The following FAM135A variants were observed in gnomAD, a reference collection of about 807,000 sequenced individuals.
The protein encoded by FAM135A is protein FAM135A.
Under a neutral mutation model 146.8 loss-of-function variants are expected in FAM135A, and 79 were observed. That is an observed-to-expected ratio of 0.54 (90% CI 0.45 to 0.65). The LOEUF (loss-of-function observed/expected upper bound fraction) is 0.65, where lower values mean the gene tolerates loss of function less well. Among genes scored for constraint, FAM135A ranks in the 30% least tolerant of loss-of-function variants. The pLI is 0.00. For missense variants in FAM135A, 1,623 were observed against 1,758.2 expected, an observed-to-expected ratio of 0.92 and a Z score of 1.38; for synonymous variants, 562 against 603.6, an observed-to-expected ratio of 0.93 and a Z score of 1.01.
intron 12 of FAM135A, among the ~76,000 whole-genome samples, chr6:70,509,769 G>A (rs1411788130): frequency 1.3e-5 from 2 of 152,096 alleles, no homozygotes; most frequent in Non-Finnish European, 2.9e-5. Context: ...TGCATATCTT[G>A]TACATGGTAG....
intron 11 of FAM135A, among the ~76,000 whole-genome samples, chr6:70,499,536 GT>G (rs139255396): frequency 9.9e-5 from 15 of 152,202 alleles, no homozygotes; most frequent in Non-Finnish European, 1.8e-4. Flanking sequence ...ATACTAGCTG[GT>G]TATTTTGCCC....
intron 4 of FAM135A, among the ~76,000 whole-genome samples, chr6:70,440,221 A>G (rs1350524024): frequency 1.3e-5 from 2 of 152,120 alleles, no homozygotes; most frequent in Admixed American, 6.6e-5. Context: ...TGTTCTTCCT[A>G]TTGCATTGCA....
At chr6:70,492,839 G>C (rs1786326423) in intron 11 of FAM135A, among the ~76,000 whole-genome samples, 2 of 151,958 alleles carry the variant, frequency 1.3e-5, no homozygotes, top group South Asian at 2.1e-4. Flanking sequence ...TTCATTTTTT[G>C]TAAGAGTGTA....
rs1407684006 is a variant in FAM135A at position 70,524,581 on chromosome 6, A to G, written c.1497A>G (p.Lys499=). The change falls in exon 15 of 22, where the codon AAA becomes AAG. Residue 499 remains lysine (K), a synonymous_variant. Transcript: ENST00000418814. ...AAGTTAAGGTTACTAAGCTTATGAA[A>G]ACAATGAAATCTGAAAACACAAAAA... ...KSKVKVTKLM[K]TMKSENTKKL... 2 of 1,542,864 alleles carry G rather than the reference A, an allele frequency of 1.3e-6. No homozygotes were observed. Among genetic ancestry groups the G allele is most frequent in the Non-Finnish European group, 1.7e-6 (2 of 1,144,850 alleles).
rs137975711 is a variant in FAM135A, at chr6:70,461,116, C to T, written c.157+8545C>T. ...GGGATTACAGGTGTAAGCCACCGTG[C>T]CAAGCCTATAGATAGATAAATCTTA... On this transcript the variant is annotated intron_variant, in intron 5 of 21. Transcript: ENST00000418814. 1.9e-3 allele frequency among the ~76,000 whole-genome samples: 290 copies of T among 152,212 alleles called. 2 individuals are homozygous for T. Among genetic ancestry groups the T allele is most frequent in the African/African-American group, 6.6e-3 (273 of 41,500 alleles).
At chr6:70,420,498 GGATGTAA>G (rs1404480468) in intron 2 of FAM135A, among the ~76,000 whole-genome samples, 1 of 152,184 alleles carries the variant, frequency 6.6e-6, no homozygotes, top group African/African-American at 2.4e-5. Context: ...TGTGGATATT[GGATGTAA>G]CTCAGCTGAT....
At chr6:70,488,750 C>A (rs1289107649) in intron 10 of FAM135A, among the ~76,000 whole-genome samples, 1 of 151,978 alleles carries the variant, frequency 6.6e-6, no homozygotes, top group Non-Finnish European at 1.5e-5. Flanking sequence ...TTAATTTTTT[C>A]AATATTTCTA....
chr6:70,526,145 C>G lies in FAM135A; in HGVS notation c.3061C>G (p.Leu1021Val), dbSNP rs200932918. The G allele has an allele frequency of 1.2e-6, 2 of 1,613,556 alleles. No individual in the cohort carries two copies. Among genetic ancestry groups the G allele is most frequent in the African/African-American group, 2.7e-5 (2 of 75,010 alleles). Residue 1021 changes from leucine (L) to valine (V), a missense_variant, in exon 15 of 22, where the codon CTG (leucine) becomes GTG (valine). By Grantham distance (32) the Leu-to-Val change is conservative. Transcript: ENST00000418814. ...CCCTACAGTTGAAAGTGAAACTCAT[C>G]TGGGTACAAGTGATCCTTTTTCAGC... Reference protein sequence around the residue: ...EIPTVESETHLGTSDPFSAST... With the variant: ...EIPTVESETHVGTSDPFSAST...
At chr6:70,448,493 C>G (rs1437152131) in intron 4 of FAM135A, among the ~76,000 whole-genome samples, 1 of 152,130 alleles carries the variant, frequency 6.6e-6, no homozygotes, top group East Asian at 1.9e-4. Flanking sequence ...CCACGTTCTC[C>G]AACCGTCGCT....
intron 12 of FAM135A, among the ~76,000 whole-genome samples, chr6:70,512,232 T>G (rs1446507034): frequency 1.3e-5 from 2 of 151,926 alleles, no homozygotes; most frequent in Admixed American, 1.3e-4. Flanking sequence ...TGTAGTTCAT[T>G]TCTTTATCGT....
chr6:70,430,359 G>T (rs1303776594), intron 4 of FAM135A, among the ~76,000 whole-genome samples: 1 of 151,812 alleles, frequency 6.6e-6, no homozygotes, highest in Non-Finnish European at 1.5e-5. Context: ...AAAAAAGAAA[G>T]AGAGCAGAAG....
chr6:70,452,409 A>T, intron 4 of FAM135A, 83 bp from the exon 5 acceptor site: 1 of 978,608 alleles, frequency 1.0e-6, no homozygotes, highest in Non-Finnish European at 1.5e-6. Flanking sequence ...TTATTATTTT[A>T]ATATGGATAC....
chr6:70,448,919 T>G (rs1776420298), intron 4 of FAM135A, among the ~76,000 whole-genome samples: 2 of 152,200 alleles, frequency 1.3e-5, no homozygotes, highest in South Asian at 4.1e-4. Context: ...TTTCTTGCCC[T>G]CATTCTGGTA....
chr6:70,476,848 T>C (rs1782709243), intron 7 of FAM135A, among the ~76,000 whole-genome samples: 1 of 152,084 alleles, frequency 6.6e-6, no homozygotes, highest in African/African-American at 2.4e-5. Context: ...AACAGTATTC[T>C]CTATGGGGTA....
chr6:70,439,122 T>G (rs1773882771), intron 4 of FAM135A, among the ~76,000 whole-genome samples: 1 of 152,086 alleles, frequency 6.6e-6, no homozygotes, highest in Non-Finnish European at 1.5e-5. Flanking sequence ...TGCGATGAGC[T>G]GTGATTGCAC....
intron 12 of FAM135A, among the ~76,000 whole-genome samples, chr6:70,518,545 C>G (rs1792821496): frequency 6.6e-6 from 1 of 152,210 alleles, no homozygotes; most frequent in Admixed American, 6.5e-5. Context: ...CTAGGACTTT[C>G]ATAGCTAGAA....
Position 70,480,925 on chromosome 6 carries a change from T to G in FAM135A, c.567T>G (p.Thr189=). Residue 189 remains threonine (T), a synonymous_variant, in exon 9 of 22, where the codon ACT becomes ACG. Transcript: ENST00000418814. ...LISFPRPVKT[T]WLNRNAPAQN... ...GCTTTCCTCGCCCTGTGAAGACAAC[T>G]TGGTTAAATAGAAATGCACCAGCAC... 6.2e-7 allele frequency: 1 copy of G among 1,611,864 alleles called. No homozygotes were observed. The highest frequency in any genetic ancestry group is 8.5e-7 in the Non-Finnish European group (1 of 1,179,092).
intron 10 of FAM135A, chr6:70,486,242 TAGGTACGTTTACAAATAGCTTA>T: frequency 6.2e-7 from 1 of 1,613,408 alleles, no homozygotes; most frequent in Non-Finnish European, 8.5e-7. Context: ...GACAACCATC[TAGGTACGTTTACAAATAGCTTA>T]AGTAAATGAT....
At chr6:70,546,066 G>A (rs1798814793) in intron 20 of FAM135A, among the ~76,000 whole-genome samples, 1 of 151,676 alleles carries the variant, frequency 6.6e-6, no homozygotes, top group African/African-American at 2.4e-5. Flanking sequence ...TTTTTCGGGG[G>A]GGCATATCTA....
Sources: gnomAD v4.1 joint callset for allele counts (sites outside exome capture counted in the v4.1 genomes callset) on GRCh38, gnomAD v4.1.1 for gene constraint, MANE v1.5 for transcripts, NCBI Gene and HGNC (gene_info 2026-07-23, HGNC 2026-07-21) for gene names.